CABLES1: variants seen among roughly 807,000 people sequenced by gnomAD.
CABLES1 encodes CDK5 and ABL1 enzyme substrate 1.
In CABLES1, 36 loss-of-function variants were observed where a neutral mutation model predicts 57.8. The ratio of observed to expected loss-of-function variants is 0.62; its 90% confidence interval spans 0.48 to 0.82. The LOEUF is 0.82. Among genes scored for constraint, CABLES1 ranks in the 40% least tolerant of loss-of-function variants. CABLES1 has a pLI of 0.00. For synonymous variants in CABLES1, 374 were observed against 363.0 expected (o/e 1.03, Z -0.35); for missense variants, 767 against 836.6 (o/e 0.92, Z 1.03).
intron 3 of CABLES1, among the ~76,000 whole-genome samples, chr18:23,208,221 A>G (rs1269362872): frequency 6.6e-6 from 1 of 152,190 alleles, no homozygotes; most frequent in East Asian, 1.9e-4. Context: ...TCGCTCTGTG[A>G]AGAATGTTCT....
chr18:23,188,965 T>C (rs1164064426), intron 2 of CABLES1, 56 bp downstream of exon 2: 4 of 1,289,972 alleles, frequency 3.1e-6, no homozygotes, highest in African/African-American at 3.0e-5. Context: ...CAGCCAGAGA[T>C]TGATTTTGGT....
intron 7 of CABLES1, among the ~76,000 whole-genome samples, chr18:23,241,516 G>A (rs960702485): frequency 2.6e-5 from 4 of 152,094 alleles, no homozygotes; most frequent in South Asian, 2.1e-4. Flanking sequence ...GGCGACAAGC[G>A]AAACTACGTC....
chr18:23,215,362 C>T (rs1452161867), intron 4 of CABLES1, among the ~76,000 whole-genome samples: 5 of 152,196 alleles, frequency 3.3e-5, no homozygotes, highest in Non-Finnish European at 5.9e-5. Flanking sequence ...GCTCATAGAC[C>T]TGGTGTGACC....
intron 1 of CABLES1, among the ~76,000 whole-genome samples, chr18:23,138,218 C>T (rs1200053017): frequency 1.3e-5 from 2 of 152,166 alleles, no homozygotes; most frequent in African/African-American, 2.4e-5. Context: ...CAGATTACCT[C>T]GCACGCTTTC....
chr18:23,135,785 C>T lies in CABLES1; in HGVS notation c.23C>T (p.Ala8Val). 1 of 981,538 alleles carries T rather than the reference C, an allele frequency of 1.0e-6. No homozygotes were observed. The highest frequency in any genetic ancestry group is 1.2e-6 in the Non-Finnish European group (1 of 827,454). The allele number at this position is 981,538 out of a possible 1,614,324, so 60.8% of individuals were successfully genotyped here. Residue 8 changes from alanine to valine, a missense_variant, in exon 1 of 10, where the codon GCC (alanine) becomes GTC (valine). By Grantham distance (64) the Ala-to-Val change is moderately conservative (BLOSUM62 0). Around this residue, in one of 4 missense-constraint regions of CABLES1, gnomAD observed 198 missense variants for 149.7 expected, o/e 1.32. Coordinates refer to ENST00000256925, the MANE Select transcript of CABLES1 (RefSeq NM_001100619.3). ...ACAATGGCGGCGGCGGCGGCGGCCG[C>T]CACCACGGCCGCCTGCAGCAGCGGC... MAAAAAA[A>V]TTAACSSGSA...
rs539124178 is a variant in CABLES1 at position 23,205,180 on chromosome 18, A to G, written c.1011-8797A>G. Among the ~76,000 whole-genome samples the G allele has an allele frequency of 9.4e-4, 97 of 102,994 alleles. No homozygotes were observed. In the Middle Eastern group the frequency reaches 0.016, roughly 17 times the overall value. 67.6% of individuals were successfully genotyped at this position (102,994 alleles called of 152,430 possible). On this transcript the variant is annotated intron_variant, in intron 3 of 9. Transcript: ENST00000256925. ...GAATTCCAAAAGGACTTCATTCCTG[A>G]CTTTTTTTTTTTTTTTTTTTTTTTT...
chr18:23,256,639 C>T (rs1023477786), intron 9 of CABLES1, among the ~76,000 whole-genome samples: 1 of 152,062 alleles, frequency 6.6e-6, no homozygotes, highest in Admixed American at 6.6e-5. Context: ...CACCGCCACG[C>T]CCGGCTCATT....
intron 1 of CABLES1, among the ~76,000 whole-genome samples, chr18:23,183,878 G>T (rs780057513): frequency 8.5e-5 from 13 of 152,266 alleles, no homozygotes; most frequent in Non-Finnish European, 1.8e-4. Flanking sequence ...AAGATTGGCC[G>T]CCCGCCCTGA....
At position 23,135,994 on chromosome 18, in the gene CABLES1, C is replaced by T. The variant is rs777945576; in HGVS notation, c.232C>T (p.Leu78=). 43 of 1,140,188 alleles carry T rather than the reference C, an allele frequency of 3.8e-5. No homozygotes were observed. The highest frequency in any genetic ancestry group is 4.5e-5 in the Non-Finnish European group (42 of 929,634). The allele number at this position is 1,140,188 out of a possible 1,614,324, so 70.6% of individuals were successfully genotyped here. Residue 78 remains leucine (L), a synonymous_variant, in exon 1 of 10, where the codon CTG becomes TTG. Transcript: ENST00000256925. ...CACCAACATCTCGCTGGACGGCCGG[C>T]TGCCGCCGCAGGACGCGGAGTGGGG... The part of the protein sequence containing the change: ...FLTNISLDGR[L]PPQDAEWGGG...
At chr18:23,163,102 G>C (rs1342839491) in intron 1 of CABLES1, among the ~76,000 whole-genome samples, 1 of 152,076 alleles carries the variant, frequency 6.6e-6, no homozygotes, top group East Asian at 1.9e-4. Flanking sequence ...GTGCAGGGTG[G>C]TGCTAAAAGG....
chr18:23,185,282 C>T (rs2047194655), intron 1 of CABLES1, among the ~76,000 whole-genome samples: 2 of 152,062 alleles, frequency 1.3e-5, no homozygotes, highest in Admixed American at 1.3e-4. Context: ...GGAGTCTGTG[C>T]TTCCTAGCAG....
chr18:23,248,283 C>T (rs757452600), intron 7 of CABLES1, among the ~76,000 whole-genome samples: 4 of 152,164 alleles, frequency 2.6e-5, no homozygotes, highest in Non-Finnish European at 4.4e-5. Context: ...CCGCCTTCAC[C>T]GAGCCAGGTT....
At chr18:23,205,873 A>G (rs2047359393) in intron 3 of CABLES1, among the ~76,000 whole-genome samples, 1 of 152,086 alleles carries the variant, frequency 6.6e-6, no homozygotes, top group African/African-American at 2.4e-5. Context: ...GAAGTAAGGG[A>G]AAACTGGGGC....
intron 1 of CABLES1, among the ~76,000 whole-genome samples, chr18:23,171,441 G>A (rs2047081673): frequency 6.6e-6 from 1 of 152,194 alleles, no homozygotes; most frequent in African/African-American, 2.4e-5. Context: ...ATAAGGAGGG[G>A]CCATGTGCCT....
At chr18:23,138,812 A>G (rs1568039559) in intron 1 of CABLES1, among the ~76,000 whole-genome samples, 1 of 152,144 alleles carries the variant, frequency 6.6e-6, no homozygotes, top group South Asian at 2.1e-4. Flanking sequence ...GGATGTTTTC[A>G]TATCAAATTG....
At chr18:23,247,643 C>T (rs1225464870) in intron 7 of CABLES1, among the ~76,000 whole-genome samples, 1 of 152,252 alleles carries the variant, frequency 6.6e-6, no homozygotes, top group Non-Finnish European at 1.5e-5. Flanking sequence ...AACCAGTGTG[C>T]ACTGGGCCGC....
intron 1 of CABLES1, among the ~76,000 whole-genome samples, chr18:23,169,799 G>C (rs2047069312): frequency 6.6e-6 from 1 of 152,198 alleles, no homozygotes; most frequent in African/African-American, 2.4e-5. Context: ...CTGTGGGATA[G>C]GTGCCCTGTT....
chr18:23,237,227 G>A lies in CABLES1; in HGVS notation c.1428G>A (p.Leu476=). The part of the protein sequence containing the change: ...QWPCGKHKRV[L]IFPSYMTTVI... Reference sequence around the variant, plus strand: ...CTTGTGGCAAACACAAACGCGTTCTGATCTTCCCTTCCTACATGGTGAGTA... The same window carrying A: ...CTTGTGGCAAACACAAACGCGTTCTAATCTTCCCTTCCTACATGGTGAGTA... The change falls in exon 7 of 10, where the codon CTG becomes CTA. Residue 476 remains leucine, a synonymous_variant. Transcript: ENST00000256925. 6.2e-7 allele frequency: 1 copy of A among 1,611,176 alleles called. No individual in the cohort carries two copies. The highest frequency in any genetic ancestry group is 8.5e-7 in the Non-Finnish European group (1 of 1,177,284).
At position 23,236,012 on chromosome 18, in the gene CABLES1, A is replaced by G. The variant is rs370833004; in HGVS notation, c.1303A>G (p.Ile435Val). 6.2e-7 allele frequency: 1 copy of G among 1,614,148 alleles called. No homozygotes were observed. The highest frequency in any genetic ancestry group is 1.6e-4 in the Middle Eastern group (1 of 6,062). The change falls in exon 6 of 10, where the codon ATA (isoleucine) becomes GTA (valine). Residue 435 changes from isoleucine (I) to valine (V), a missense_variant. By Grantham distance (29) the Ile-to-Val change is conservative (BLOSUM62 3). Around this residue, in one of 4 missense-constraint regions of CABLES1, gnomAD observed 529 missense variants for 622.8 expected, o/e 0.85. Coordinates refer to ENST00000256925, the MANE Select transcript of CABLES1 (RefSeq NM_001100619.3). ...FRNLSHRSLS[I>V]GRASGTQGSL... ...TAACCTGAGCCACCGCAGCCTCTCC[A>G]TAGGCCGGGCAAGCGGCACCCAGGG...
Sources: allele counts gnomAD v4.1 joint callset (sites outside exome capture counted in the v4.1 genomes callset), GRCh38; gene constraint gnomAD v4.1.1; regional missense constraint gnomAD v4.1.1; transcripts MANE v1.5; gene names NCBI Gene and HGNC (gene_info 2026-07-23, HGNC 2026-07-21).